Variants in NOL4 observed in about 807,000 individuals in gnomAD.
The protein encoded by NOL4 is cancer/testis antigen 125.
A neutral mutation model predicts 75.9 loss-of-function variants in NOL4; 17 were observed. The ratio of observed to expected loss-of-function variants is 0.22; its 90% CI spans 0.15 to 0.34. The LOEUF (loss-of-function observed/expected upper bound fraction) is 0.34, where lower values mean the gene tolerates loss of function less well. Ranked by LOEUF, NOL4 falls within the 10% of genes least tolerant of loss-of-function variation. NOL4 has a pLI of 1.00. For synonymous variants in NOL4, 292 were observed against 289.9 expected, an observed-to-expected ratio of 1.01 and a Z score of -0.07; for missense variants, 614 against 793.5, an observed-to-expected ratio of 0.77 and a Z score of 2.72.
chr18:34,072,280 C>T (rs1283715867), intron 5 of NOL4, among the ~76,000 whole-genome samples: 1 of 151,970 alleles, frequency 6.6e-6, no homozygotes, highest in Non-Finnish European at 1.5e-5. Flanking sequence ...ACTATTCAAA[C>T]CCTAATCATA....
At chr18:33,906,676 TA>T in intron 9 of NOL4, among the ~76,000 whole-genome samples, 1 of 152,340 alleles carries the variant, frequency 6.6e-6, no homozygotes, top group Middle Eastern at 3.4e-3. Context: ...AATAACAAAT[TA>T]ATTTTTTTCT....
At chr18:34,071,258 G>T (rs2077501969) in intron 5 of NOL4, among the ~76,000 whole-genome samples, 1 of 152,068 alleles carries the variant, frequency 6.6e-6, no homozygotes, top group African/African-American at 2.4e-5. Context: ...AGTGAACAAA[G>T]CTCTTTTAGT....
chr18:34,191,565 T>A (rs189073531), intron 1 of NOL4, among the ~76,000 whole-genome samples: 96 of 152,272 alleles, frequency 6.3e-4, no homozygotes, highest in African/African-American at 2.1e-3. Flanking sequence ...CTCTCTGTTG[T>A]TTGCAATATG....
At chr18:33,870,067 T>C (rs1168378377) in intron 10 of NOL4, among the ~76,000 whole-genome samples, 4 of 152,084 alleles carry the variant, frequency 2.6e-5, no homozygotes, top group African/African-American at 9.7e-5. Context: ...ATAAATTGTA[T>C]GTATTTATCA....
At chr18:34,138,550 C>T (rs144827985) in intron 1 of NOL4, among the ~76,000 whole-genome samples, 154 of 152,224 alleles carry the variant, frequency 1.0e-3, no homozygotes, top group African/African-American at 3.6e-3. Context: ...GGTTCTACAA[C>T]GTTCTGAACA....
chr18:33,855,445 C>G (rs2062795018), intron 10 of NOL4, among the ~76,000 whole-genome samples: 1 of 152,092 alleles, frequency 6.6e-6, no homozygotes, highest in South Asian at 2.1e-4. Flanking sequence ...AAATCTCACA[C>G]AAGGCTACTG....
chr18:34,196,672 G>C (rs1225119575), intron 1 of NOL4, among the ~76,000 whole-genome samples: 1 of 151,976 alleles, frequency 6.6e-6, no homozygotes, highest in African/African-American at 2.4e-5. Flanking sequence ...AGATTACTTG[G>C]CATTTACAGA....
intron 10 of NOL4, among the ~76,000 whole-genome samples, chr18:33,868,852 T>C (rs1334608264): frequency 6.6e-6 from 1 of 152,004 alleles, no homozygotes; most frequent in African/African-American, 2.4e-5. Flanking sequence ...TAATTAACAA[T>C]GAAATTGATA....
chr18:34,130,206 A>C (rs1046848224), intron 1 of NOL4, among the ~76,000 whole-genome samples, 186 bp from the exon 2 acceptor site: 1 of 152,096 alleles, frequency 6.6e-6, no homozygotes, highest in Non-Finnish European at 1.5e-5. Flanking sequence ...ACTTGGAAAA[A>C]CATGAGAGAA....
intron 1 of NOL4, among the ~76,000 whole-genome samples, chr18:34,142,112 A>C (rs1020469113): frequency 1.3e-5 from 2 of 152,206 alleles, no homozygotes; most frequent in African/African-American, 2.4e-5. Flanking sequence ...AGAGAAATGC[A>C]AATCAAAACC....
intron 5 of NOL4, among the ~76,000 whole-genome samples, chr18:34,081,611 A>G (rs538563624): frequency 1.3e-5 from 2 of 152,288 alleles, no homozygotes; most frequent in East Asian, 3.9e-4. Flanking sequence ...GTACATCACT[A>G]TTGACATGAG....
chr18:34,147,161 C>T (rs976476368), intron 1 of NOL4, among the ~76,000 whole-genome samples: 3 of 152,076 alleles, frequency 2.0e-5, no homozygotes, highest in Non-Finnish European at 4.4e-5. Flanking sequence ...ATGTCATCTG[C>T]AAACATAGAC....
intron 6 of NOL4, among the ~76,000 whole-genome samples, chr18:33,960,774 A>G (rs1332487162): frequency 6.6e-6 from 1 of 152,178 alleles, no homozygotes; most frequent in Non-Finnish European, 1.5e-5. Flanking sequence ...TCATCTTAAC[A>G]CTATTCTATG....
At chr18:34,145,987 C>G (rs1159141675) in intron 1 of NOL4, among the ~76,000 whole-genome samples, 1 of 151,932 alleles carries the variant, frequency 6.6e-6, no homozygotes, top group African/African-American at 2.4e-5. Flanking sequence ...TTCTTTCTAG[C>G]ACAAAAAGTC....
intron 5 of NOL4, among the ~76,000 whole-genome samples, chr18:34,026,466 G>A (rs549311367): frequency 3.3e-5 from 5 of 152,152 alleles, no homozygotes; most frequent in African/African-American, 7.2e-5. Flanking sequence ...TATGGGAGCC[G>A]CCTCTTTCTG....
At chr18:34,192,514 C>T (rs185759141) in intron 1 of NOL4, among the ~76,000 whole-genome samples, 129 of 152,248 alleles carry the variant, frequency 8.5e-4, no homozygotes, top group Admixed American at 1.9e-3. Context: ...AAAACAGACA[C>T]ACAGACCAAC....
intron 5 of NOL4, among the ~76,000 whole-genome samples, chr18:34,023,110 T>G (rs2075137885): frequency 6.6e-6 from 1 of 152,194 alleles, no homozygotes; most frequent in South Asian, 2.1e-4. Flanking sequence ...ATTTACTCAT[T>G]TGTATCAAAT....
intron 5 of NOL4, among the ~76,000 whole-genome samples, chr18:34,047,984 T>C (rs2076458621): frequency 4.6e-5 from 7 of 152,148 alleles, no homozygotes; most frequent in Admixed American, 3.9e-4. Flanking sequence ...ACTTGCATAC[T>C]TCTAAATGGA....
intron 6 of NOL4, among the ~76,000 whole-genome samples, chr18:34,004,346 T>C (rs1003280930): frequency 1.3e-5 from 2 of 152,116 alleles, no homozygotes; most frequent in African/African-American, 4.8e-5. Context: ...TGGTCACTCA[T>C]ATATGGCTCA....
Sources: allele counts gnomAD v4.1 joint callset (sites outside exome capture counted in the v4.1 genomes callset), GRCh38; gene constraint gnomAD v4.1.1; transcripts MANE v1.5; gene names NCBI Gene and HGNC (gene_info 2026-07-23, HGNC 2026-07-21).